MAN2B1: variants seen among roughly 807,000 people sequenced by gnomAD.
The protein encoded by MAN2B1 is lysosomal alpha-mannosidase.
Under a neutral mutation model 127.5 loss-of-function variants are expected in MAN2B1, and 99 were observed. The ratio of observed to expected loss-of-function variants is 0.78; its 90% CI spans 0.66 to 0.92. MAN2B1 has a LOEUF of 0.92. Ranked by LOEUF, MAN2B1 falls within the 40% of genes least tolerant of loss-of-function variation. MAN2B1 has a pLI of 0.00. For synonymous variants in MAN2B1, 573 were observed against 568.8 expected, an observed-to-expected ratio of 1.01 and a Z score of -0.11; for missense variants, 1,304 against 1,384.8, an observed-to-expected ratio of 0.94 and a Z score of 0.93.
chr19:12,657,588 G>T, intron 10 of MAN2B1, 33 bp from the exon 11 acceptor site: 4 of 1,521,972 alleles, frequency 2.6e-6, no homozygotes, highest in Non-Finnish European at 3.6e-6. Flanking sequence ...GTGAGGTTCT[G>T]TGGGACTCAG....
At chr19:12,657,687 G>C (rs911313817) in intron 10 of MAN2B1, 132 bp from the exon 11 acceptor site, 72 of 809,010 alleles carry the variant, frequency 8.9e-5, no homozygotes, top group Non-Finnish European at 1.5e-4. Flanking sequence ...GGCTGGGGGC[G>C]GTGGCTCACG....
Position 12,647,782 on chromosome 19 carries a change from G to T in MAN2B1, c.2665-184C>A. Reference sequence around the variant, plus strand: ...GGAGGACTGAGCCAATGGGGAGATGGGTCGGTCCCAAGCTTAGGGTTCGAG... The same window carrying T: ...GGAGGACTGAGCCAATGGGGAGATGTGTCGGTCCCAAGCTTAGGGTTCGAG... On this transcript the variant is annotated intron_variant, in intron 21 of 23. Coordinates refer to ENST00000456935, the MANE Select transcript of MAN2B1 (RefSeq NM_000528.4). This position sits in a 1 kb window ranked among gnomAD's most constrained non-coding sequence, Gnocchi z 4.9. 4.9e-6 allele frequency: 3 copies of T among 613,542 alleles called. No homozygotes were observed. The highest frequency in any genetic ancestry group is 2.9e-6 in the Non-Finnish European group (1 of 348,692). 38.0% of individuals were successfully genotyped at this position (613,542 alleles called of 1,614,324 possible).
rs1173935051 is a variant in MAN2B1, at chr19:12,663,403, C to T, written c.823G>A (p.Asp275Asn). The part of the protein sequence containing the change: ...RNLCWDVLCV[D>N]QPLVEDPRSP... ...CGAGGGTCCTCCACCAGCGGCTGATCGACACACAGCACATCCCAGCACAGA... is the reference window on the plus strand; with the variant it reads ...CGAGGGTCCTCCACCAGCGGCTGATTGACACACAGCACATCCCAGCACAGA... Residue 275 changes from aspartate (D) to asparagine (N), a missense_variant, in exon 6 of 24, where the codon GAT becomes AAT. Transcript: ENST00000456935. The T allele has an allele frequency of 1.2e-5, 19 of 1,614,036 alleles. No homozygotes were observed. The highest frequency in any genetic ancestry group is 1.1e-4 in the East Asian group (5 of 44,880).
chr19:12,648,373 T>C lies in MAN2B1; in HGVS notation c.2466A>G (p.Gly822=). The C allele has an allele frequency of 6.2e-7, 1 of 1,613,172 alleles. No homozygotes were observed. The highest frequency in any genetic ancestry group is 8.5e-7 in the Non-Finnish European group (1 of 1,179,482). Residue 822 remains glycine (G), a synonymous_variant, in exon 21 of 24, where the codon GGA becomes GGG. Coordinates refer to ENST00000456935, the MANE Select transcript of MAN2B1 (RefSeq NM_000528.4). ...MVHRRLLKDD[G]RGVSEPLMEN... ...CCATTAGTGGCTCCGATACTCCGCG[T>C]CCATCGTCCTTCAGCAGCCTTCGGT...
Position 12,665,333 on chromosome 19 carries a change from T to G in MAN2B1, c.436+19A>C. On this transcript the variant is annotated intron_variant, in intron 3 of 23. Coordinates refer to ENST00000456935, the MANE Select transcript of MAN2B1 (RefSeq NM_000528.4). ...GCTGGGCTGGGCTTCCTCTTTTCAC[T>G]TCCTTGGGGTAGGCTCACCCTGGCG... 2 of 1,601,644 alleles carry G rather than the reference T, an allele frequency of 1.2e-6. No homozygotes were observed. The highest frequency in any genetic ancestry group is 1.7e-6 in the Non-Finnish European group (2 of 1,179,902).
chr19:12,664,817 C>CAACA lies in MAN2B1; in HGVS notation c.604_605insTGTT (p.Arg202LeufsTer22). 1 of 1,613,520 alleles carries CAACA rather than the reference C, an allele frequency of 6.2e-7. No homozygotes were observed. Among genetic ancestry groups the CAACA allele is most frequent in the Non-Finnish European group, 8.5e-7 (1 of 1,179,848 alleles). On this transcript the variant is annotated frameshift_variant, in exon 4 of 24. Coordinates refer to ENST00000456935, the MANE Select transcript of MAN2B1 (RefSeq NM_000528.4). LOFTEE classifies it high-confidence loss of function. ...CTGCGCAAACAGCGAGGCCTGCTCC[C>CAACA]GAGAGTGGCCGAAGGGGTCAATGTG...
chr19:12,655,966 G>A, intron 13 of MAN2B1, 87 bp from the exon 14 acceptor site: 1 of 1,061,822 alleles, frequency 9.4e-7, no homozygotes, highest in Non-Finnish European at 1.4e-6. Context: ...GGAAGGAAAA[G>A]AGTCCTGAGA....
chr19:12,653,184 C>A (rs1013414420), intron 14 of MAN2B1, among the ~76,000 whole-genome samples: 2 of 149,470 alleles, frequency 1.3e-5, no homozygotes, highest in African/African-American at 4.9e-5. Flanking sequence ...GCTCTATCGC[C>A]CAGGCTGGAG....
At position 12,650,190 on chromosome 19, in the gene MAN2B1, G is replaced by T. The variant is rs757361100; in HGVS notation, c.2079C>A (p.Phe693Leu). The change falls in exon 17 of 24, where the codon TTC becomes TTA. Residue 693 changes from phenylalanine to leucine, a missense_variant. Transcript: ENST00000456935. ...TPLVQEVHQN[F>L]SAWCSQVVRL... ...GAACCACCTGGGAACACCAAGCTGA[G>T]AAGTTCTGGTGCACCTCCTGCACCA... is the stretch of plus-strand genomic sequence containing the variant. The T allele has an allele frequency of 6.2e-7, 1 of 1,613,932 alleles. No homozygotes were observed. The highest frequency in any genetic ancestry group is 2.2e-5 in the East Asian group (1 of 44,862).
Position 12,647,119 on chromosome 19 carries a change from A to C in MAN2B1, c.2923+114T>G. The C allele has an allele frequency of 2.0e-6, 2 of 1,020,356 alleles. No homozygotes were observed. The highest frequency in any genetic ancestry group is 3.1e-6 in the Non-Finnish European group (2 of 648,770). The allele number at this position is 1,020,356 out of a possible 1,614,324, so 63.2% of individuals were successfully genotyped here. A position where few individuals can be genotyped will look rare whatever the true frequency, so the allele number is the denominator to read the frequency against. On this transcript the variant is annotated intron_variant, in intron 23 of 23. Transcript: ENST00000456935. The surrounding 1 kb of genome is among the most constrained non-coding windows in gnomAD (Gnocchi z 4.9). The stretch of plus-strand genomic sequence containing the variant: ...CTAACCTGGGTCTGGACTCTGCCCC[A>C]TACCCTCATGACCTTTTTGGGTCCT...
In MAN2B1 at chr19:12,647,405, CCT is replaced by C. The variant is rs748446780; in HGVS notation, c.2820+36_2820+37del. ...GTTTCTCTTCTCTCCCTCTCTCTTG[CCT>C]CTCTCCGATCTCCTTCTCAATTTTG... On this transcript the variant is annotated intron_variant, in intron 22 of 23. Coordinates refer to ENST00000456935, the MANE Select transcript of MAN2B1 (RefSeq NM_000528.4). This position sits in a 1 kb window ranked among gnomAD's most constrained non-coding sequence, Gnocchi z 4.9. 8 of 1,613,228 alleles carry C rather than the reference CCT, an allele frequency of 5.0e-6. 1 individual carries two copies. Among genetic ancestry groups the C allele is most frequent in the African/African-American group, 4.0e-5 (3 of 75,028 alleles).
chr19:12,657,636 C>T, intron 10 of MAN2B1, 81 bp from the exon 11 acceptor site: 2 of 1,242,152 alleles, frequency 1.6e-6, no homozygotes, highest in South Asian at 1.3e-5. Context: ...CCGGTGCTGG[C>T]GGGCAGGATT....
intron 3 of MAN2B1, 119 bp from the exon 4 acceptor site, chr19:12,665,104 G>T: frequency 8.9e-7 from 1 of 1,117,480 alleles, no homozygotes. Flanking sequence ...AGGACAAGAG[G>T]GGTCGCTCCC....
At chr19:12,656,058 G>T in intron 13 of MAN2B1, 179 bp from the exon 14 acceptor site, 18 of 502,192 alleles carry the variant, frequency 3.6e-5, no homozygotes, top group East Asian at 1.1e-4. Context: ...TCACCAGGTG[G>T]AAAAAAAAAC....
At chr19:12,655,313 T>C (rs2023930498) in intron 14 of MAN2B1, among the ~76,000 whole-genome samples, 1 of 152,236 alleles carries the variant, frequency 6.6e-6, no homozygotes, top group African/African-American at 2.4e-5. Context: ...CGAAGGCTTT[T>C]ATGCCTGTTA....
chr19:12,665,208 G>A, intron 3 of MAN2B1, 144 bp downstream of exon 3: 5 of 1,129,418 alleles, frequency 4.4e-6, no homozygotes, highest in Non-Finnish European at 6.6e-6. Context: ...ATGTATAGGA[G>A]GTCTCCAAAT....
chr19:12,656,539 C>T (rs1338449907), intron 13 of MAN2B1, 32 bp downstream of exon 13: 4 of 1,515,088 alleles, frequency 2.6e-6, no homozygotes, highest in East Asian at 4.5e-5. Flanking sequence ...GGGAGGAGTC[C>T]CAGCGGGGGA....
At chr19:12,655,011 G>C (rs1243820170) in intron 14 of MAN2B1, among the ~76,000 whole-genome samples, 4 of 152,122 alleles carry the variant, frequency 2.6e-5, no homozygotes, top group African/African-American at 9.7e-5. Context: ...TCTGTTGCCA[G>C]GATGGAGTAC....
In MAN2B1 at chr19:12,650,205, C is replaced by T. The variant is rs1304104493; in HGVS notation, c.2064G>A (p.Glu688=). 6.2e-7 allele frequency: 1 copy of T among 1,610,502 alleles called. No individual in the cohort carries two copies. Among genetic ancestry groups the T allele is most frequent in the South Asian group, 1.1e-5 (1 of 90,994 alleles). Residue 688 remains glutamate, a synonymous_variant, in exon 17 of 24, where the codon GAG becomes GAA. Coordinates refer to ENST00000456935, the MANE Select transcript of MAN2B1 (RefSeq NM_000528.4). Reference sequence around the variant, plus strand: ...ACCAAGCTGAGAAGTTCTGGTGCACCTCCTGCACCAAGGGTGTCTGCGGGC... The same window carrying T: ...ACCAAGCTGAGAAGTTCTGGTGCACTTCCTGCACCAAGGGTGTCTGCGGGC... ...IHLVKTPLVQ[E]VHQNFSAWCS...
Sources: gnomAD v4.1 joint callset for allele counts (sites outside exome capture counted in the v4.1 genomes callset) on GRCh38, gnomAD v4.1.1 for gene constraint, Gnocchi (gnomAD v3.1) non-coding constraint, MANE v1.5 for transcripts, NCBI Gene and HGNC (gene_info 2026-07-23, HGNC 2026-07-21) for gene names.